SPTLC2: variants seen among roughly 807,000 people sequenced by gnomAD.
SPTLC2 encodes serine palmitoyltransferase long chain base subunit 2, also known as serine palmitoyltransferase 2.
SPTLC2 carries 21 observed loss-of-function variants against 62.0 expected under a neutral mutation model. The ratio of observed to expected loss-of-function variants is 0.34; its 90% CI spans 0.24 to 0.49. The LOEUF (loss-of-function observed/expected upper bound fraction) is 0.49. SPTLC2 is among the 20% of genes least tolerant of loss of function. SPTLC2 has a pLI of 0.99. For missense variants in SPTLC2, 511 were observed against 713.0 expected, an observed-to-expected ratio of 0.72 and a Z score of 3.23; for synonymous variants, 261 against 261.8, an observed-to-expected ratio of 1.00 and a Z score of 0.03.
At chr14:77,519,975 AT>A (rs2079378128) in intron 10 of SPTLC2, among the ~76,000 whole-genome samples, 2 of 152,150 alleles carry the variant, frequency 1.3e-5, no homozygotes, top group South Asian at 4.1e-4. Context: ...ATCTCCCCAA[AT>A]ATACCTTGCT....
At chr14:77,576,994 C>A (rs932508793) in intron 3 of SPTLC2, 79 bp from the exon 4 acceptor site, 116 of 1,506,750 alleles carry the variant, frequency 7.7e-5, no homozygotes, top group Non-Finnish European at 9.9e-5. Context: ...ACTGGTGACA[C>A]AAAAGGAAGC....
chr14:77,555,109 CAACA>C (rs2079575605), intron 8 of SPTLC2, among the ~76,000 whole-genome samples, 187 bp downstream of exon 8: 2 of 152,144 alleles, frequency 1.3e-5, no homozygotes, highest in Admixed American at 1.3e-4. Flanking sequence ...AATAAGAAAA[CAACA>C]AACAATGAAC....
intron 6 of SPTLC2, among the ~76,000 whole-genome samples, chr14:77,561,884 T>TA (rs113213492): frequency 6.3e-4 from 96 of 152,342 alleles, no homozygotes; most frequent in African/African-American, 2.2e-3. Context: ...CTATGAAAGT[T>TA]ACGCATTTTT....
At chr14:77,606,765 T>C (rs888562582) in intron 1 of SPTLC2, among the ~76,000 whole-genome samples, 13 of 152,162 alleles carry the variant, frequency 8.5e-5, no homozygotes, top group African/African-American at 2.7e-4. Context: ...GGCGGGAGGA[T>C]TGCTTGGACC....
intron 1 of SPTLC2, among the ~76,000 whole-genome samples, chr14:77,606,373 C>CTGTGTGTGTGTGTG (rs59065946): frequency 0.02 from 2,930 of 148,304 alleles, 98 homozygotes; most frequent in African/African-American, 0.07. Context: ...AGGGAGGGGA[C>CTGTGTGTGTGTGTG]TGTGTGTGTG....
intron 9 of SPTLC2, among the ~76,000 whole-genome samples, chr14:77,549,227 C>CA (rs35256374): frequency 0.19 from 26,978 of 142,692 alleles, 3,036 homozygotes; most frequent in African/African-American, 0.33. Context: ...GACTGCATCT[C>CA]AAAAAAAAAA....
At chr14:77,596,899 T>C (rs2079850430) in intron 2 of SPTLC2, among the ~76,000 whole-genome samples, 1 of 152,248 alleles carries the variant, frequency 6.6e-6, no homozygotes, top group African/African-American at 2.4e-5. Context: ...ACCTGGCATC[T>C]TGGGAAACGT....
intron 2 of SPTLC2, among the ~76,000 whole-genome samples, chr14:77,591,730 G>GTATGTATGTATGTAT (rs372095112): frequency 7.6e-6 from 1 of 131,174 alleles, no homozygotes; most frequent in Non-Finnish European, 1.6e-5. Flanking sequence ...ATGTATGTAT[G>GTATGTATGTATGTAT]TATTTATTTT....
At chr14:77,521,662 CATTCT>C in intron 9 of SPTLC2, 81 bp from the exon 10 acceptor site, 1 of 1,259,678 alleles carries the variant, frequency 7.9e-7, no homozygotes, top group South Asian at 1.2e-5. Context: ...CCTCTATCTC[CATTCT>C]ATCTAATCAG....
intron 6 of SPTLC2, among the ~76,000 whole-genome samples, chr14:77,560,407 G>T (rs1297383457): frequency 6.6e-6 from 1 of 152,028 alleles, no homozygotes; most frequent in Admixed American, 6.6e-5. Flanking sequence ...GCAACATGGT[G>T]AAACCCCATC....
At chr14:77,570,701 T>C (rs542755958) in intron 4 of SPTLC2, among the ~76,000 whole-genome samples, 193 bp from the exon 5 acceptor site, 7 of 152,240 alleles carry the variant, frequency 4.6e-5, no homozygotes, top group East Asian at 1.9e-4. Flanking sequence ...AAGAACACAA[T>C]AGTTGAATAA....
intron 8 of SPTLC2, among the ~76,000 whole-genome samples, chr14:77,554,063 C>A (rs2140019442): frequency 6.6e-6 from 1 of 152,304 alleles, no homozygotes; most frequent in South Asian, 2.1e-4. Context: ...AGTAATCCTC[C>A]CACTTCAGCC....
rs181668014 is a variant in SPTLC2 at position 77,519,048 on chromosome 14, T to C, written c.1440-881A>G. On this transcript the variant is annotated intron_variant, in intron 10 of 11. Transcript: ENST00000216484. ...TTAGTTAATTTTGTCTACTAAATTATGTGGGTTTTTTTTTGAGTCTCTCGC... is the reference window on the plus strand; with the variant it reads ...TTAGTTAATTTTGTCTACTAAATTACGTGGGTTTTTTTTTGAGTCTCTCGC... Among the ~76,000 whole-genome samples, 188 of 152,342 alleles carry C rather than the reference T, an allele frequency of 1.2e-3. 1 individual carries two copies. The highest frequency in any genetic ancestry group is 4.2e-3 in the African/African-American group (176 of 41,578).
At chr14:77,539,483 CT>C (rs71128638) in intron 9 of SPTLC2, among the ~76,000 whole-genome samples, 4,551 of 53,228 alleles carry the variant, frequency 0.086, 28 homozygotes, top group Admixed American at 0.13. Flanking sequence ...TCTTAAGAGG[CT>C]TTTTTTTTTT....
chr14:77,532,647 G>A (rs973631216), intron 9 of SPTLC2, among the ~76,000 whole-genome samples: 3 of 152,068 alleles, frequency 2.0e-5, no homozygotes, highest in Non-Finnish European at 4.4e-5. Context: ...AGCTGGGTGT[G>A]GTGGCAGGCG....
chr14:77,512,318 A>T lies in SPTLC2; in HGVS notation c.1655T>A (p.Phe552Tyr), dbSNP rs781721786. 1 of 1,614,196 alleles carries T rather than the reference A, an allele frequency of 6.2e-7. No homozygotes were observed. The highest frequency in any genetic ancestry group is 1.3e-5 in the African/African-American group (1 of 75,040). ...TGTTTCTTCATACGTCGTCTCGTCA[A>T]AGGGCCTGTCCAGTAGAGGTACCAA... ...HRLVPLLDRP[F>Y]DETTYEETED The change falls in exon 12 of 12, where the codon TTT (phenylalanine) becomes TAT (tyrosine). Residue 552 changes from phenylalanine to tyrosine, a missense_variant. By Grantham distance (22) the Phe-to-Tyr change is conservative. Coordinates refer to ENST00000216484, the MANE Select transcript of SPTLC2 (RefSeq NM_004863.4).
intron 4 of SPTLC2, 27 bp from the exon 5 acceptor site, chr14:77,570,535 T>G: frequency 6.3e-7 from 1 of 1,594,912 alleles, no homozygotes; most frequent in Non-Finnish European, 8.5e-7. Flanking sequence ...ATAAAGTCAG[T>G]ATCACAAAAT....
intron 9 of SPTLC2, 60 bp downstream of exon 9, chr14:77,552,036 A>C: frequency 6.2e-7 from 1 of 1,604,580 alleles, no homozygotes; most frequent in Non-Finnish European, 8.5e-7. Flanking sequence ...AGCTCAAGAA[A>C]AACAGCACGT....
chr14:77,616,154 G>A (rs988023812), intron 1 of SPTLC2, among the ~76,000 whole-genome samples: 6 of 152,204 alleles, frequency 3.9e-5, no homozygotes, highest in Non-Finnish European at 8.8e-5. Flanking sequence ...TTCCCCTGGG[G>A]ACAGCACACA....
Sources: gnomAD v4.1 joint callset for allele counts (sites outside exome capture counted in the v4.1 genomes callset) on GRCh38, gnomAD v4.1.1 for gene constraint, MANE v1.5 for transcripts, NCBI Gene and HGNC (gene_info 2026-07-23, HGNC 2026-07-21) for gene names.